Variants in GNB5 observed in about 807,000 individuals in gnomAD.
The protein encoded by GNB5 is guanine nucleotide-binding protein subunit beta-5.
A neutral mutation model predicts 55.3 loss-of-function variants in GNB5; 37 were observed. The observed-to-expected ratio is 0.67, with a 90% CI of 0.51 to 0.88. GNB5 has a LOEUF of 0.88. Among genes scored for constraint, GNB5 ranks in the 40% least tolerant of loss-of-function variants. The probability of loss-of-function intolerance (pLI) is 0.00; values close to 1 mark genes in which losing one functional copy is unlikely to be tolerated. For missense variants in GNB5, 476 were observed against 515.3 expected (o/e 0.92, Z 0.74); for synonymous variants, 219 against 198.5 (o/e 1.10, Z -0.87).
intron 1 of GNB5, among the ~76,000 whole-genome samples, chr15:52,187,843 G>T (rs1046475174): frequency 2.6e-5 from 4 of 152,090 alleles, no homozygotes; most frequent in African/African-American, 7.2e-5. Flanking sequence ...CAGCTACTCG[G>T]GAGGCTGAGG....
At chr15:52,177,714 A>C (rs2034679664) in intron 3 of GNB5, among the ~76,000 whole-genome samples, 1 of 152,020 alleles carries the variant, frequency 6.6e-6, no homozygotes, top group Non-Finnish European at 1.5e-5. Flanking sequence ...AGATCAGGAG[A>C]CATGTCAAAG....
chr15:52,168,531 G>A (rs1188973018), intron 3 of GNB5, among the ~76,000 whole-genome samples: 5 of 152,154 alleles, frequency 3.3e-5, no homozygotes, highest in Non-Finnish European at 5.9e-5. Flanking sequence ...CAGTGAAAAT[G>A]GCCATATTGC....
In GNB5 at chr15:52,179,760, G is replaced by T; in HGVS notation, c.238+8C>A. Reference sequence around the variant, plus strand: ...GCTTGCCCCGCCCGCCTCCCGGCCCGCACTCACGCTCCACATCGTGCAGCT... The same window carrying T: ...GCTTGCCCCGCCCGCCTCCCGGCCCTCACTCACGCTCCACATCGTGCAGCT... On this transcript the variant is annotated splice_region_variant and intron_variant, in intron 3 of 12. Coordinates refer to ENST00000261837, the MANE Select transcript of GNB5 (RefSeq NM_016194.4). 7.4e-7 allele frequency: 1 copy of T among 1,345,658 alleles called. No individual in the cohort carries two copies. Among genetic ancestry groups the T allele is most frequent in the Non-Finnish European group, 9.7e-7 (1 of 1,030,714 alleles). 83.4% of individuals were successfully genotyped at this position (1,345,658 alleles called of 1,614,324 possible).
intron 3 of GNB5, among the ~76,000 whole-genome samples, chr15:52,168,620 T>C (rs1195789917): frequency 6.6e-6 from 1 of 152,190 alleles, no homozygotes; most frequent in Admixed American, 6.5e-5. Flanking sequence ...AAAAAACTAT[T>C]TTAAAATTCA....
chr15:52,138,779 T>C (rs2141198214), intron 7 of GNB5: 1 of 152,340 alleles, frequency 6.6e-6, no homozygotes, highest in South Asian at 2.1e-4. Context: ...TCTTGCTCTT[T>C]AATTTAGGAA....
In GNB5 at chr15:52,122,740, G is replaced by A. The variant is rs777629751; in HGVS notation, c.*17C>T. The A allele has an allele frequency of 3.2e-6, 5 of 1,580,840 alleles. No homozygotes were observed. In the Admixed American group the frequency reaches 8.3e-5, roughly 26 times the overall value. On this transcript the variant is annotated 3_prime_UTR_variant, in exon 13 of 13. Coordinates refer to ENST00000261837, the MANE Select transcript of GNB5 (RefSeq NM_016194.4). ...TTCAAATTCTCAGGTATACATGAGT[G>A]CACTGTCAGAAGATGATTAGGCCCA...
intron 3 of GNB5, among the ~76,000 whole-genome samples, chr15:52,179,429 C>G (rs1160466150): frequency 2.0e-5 from 3 of 152,136 alleles, no homozygotes; most frequent in Non-Finnish European, 4.4e-5. Flanking sequence ...CACCGACACC[C>G]CACCCCCTGC....
intron 3 of GNB5, among the ~76,000 whole-genome samples, chr15:52,167,752 T>C (rs1422794789): frequency 6.6e-6 from 1 of 151,752 alleles, no homozygotes; most frequent in Non-Finnish European, 1.5e-5. Flanking sequence ...CAATAAATGA[T>C]TCCCAATACT....
chr15:52,147,680 G>A (rs2034005689), intron 5 of GNB5, 145 bp from the exon 6 acceptor site: 1 of 431,790 alleles, frequency 2.3e-6, no homozygotes, highest in Non-Finnish European at 4.2e-6. Context: ...TCTGCCTCCG[G>A]GGTTCAAGCA....
intron 6 of GNB5, among the ~76,000 whole-genome samples, chr15:52,146,646 C>G (rs910728324): frequency 1.3e-5 from 2 of 152,086 alleles, no homozygotes; most frequent in African/African-American, 4.8e-5. Flanking sequence ...CTTACTGTAG[C>G]CTTAATCTCC....
At chr15:52,156,333 T>A (rs1417025478) in intron 3 of GNB5, among the ~76,000 whole-genome samples, 2 of 152,192 alleles carry the variant, frequency 1.3e-5, no homozygotes, top group Non-Finnish European at 2.9e-5. Flanking sequence ...CAGCTGTTTC[T>A]CCATGGAACT....
chr15:52,120,718 C>T lies in GNB5; in HGVS notation c.*2039G>A, dbSNP rs1189478112. ...CACTGTGGGACATTCTGGAGCAGAG[C>T]TCAGGAATCCCATGGTGCCCTGACC... is the stretch of plus-strand genomic sequence containing the variant. On this transcript the variant is annotated 3_prime_UTR_variant, in exon 13 of 13. Transcript: ENST00000261837. 6.6e-6 allele frequency: 1 copy of T among 152,194 alleles called. No individual in the cohort carries two copies. The highest frequency in any genetic ancestry group is 1.9e-4 in the East Asian group (1 of 5,190). 9.4% of individuals were successfully genotyped at this position (152,194 alleles called of 1,614,324 possible). A position where few individuals can be genotyped will look rare whatever the true frequency, so the allele number is the denominator to read the frequency against.
Position 52,125,962 on chromosome 15 carries a change from TC to T in GNB5, c.994del (p.Asp332ThrfsTer89). 6.8e-7 allele frequency: 1 copy of T among 1,481,302 alleles called. No homozygotes were observed. Among genetic ancestry groups the T allele is most frequent in the Non-Finnish European group, 9.4e-7 (1 of 1,065,594 alleles). 91.8% of individuals were successfully genotyped at this position (1,481,302 alleles called of 1,614,324 possible). A position where few individuals can be genotyped will look rare whatever the true frequency, so the allele number is the denominator to read the frequency against. On this transcript the variant is annotated frameshift_variant, in exon 11 of 13. Coordinates refer to ENST00000261837, the MANE Select transcript of GNB5 (RefSeq NM_016194.4). LOFTEE classifies it high-confidence loss of function. ...ESIIFGASSVDFSLSGRLLFA... is the reference protein window; with the variant it reads ...ESIIFGASSVXFSLSGRLLFA... ...TAAAATCTTACCACTGAGGGAGAAG[TC>T]CACGCTGGATGCTCCAAATATGATG...
At chr15:52,180,074 C>T in intron 2 of GNB5, 195 bp from the exon 3 acceptor site, 2 of 566,644 alleles carry the variant, frequency 3.5e-6, no homozygotes, top group South Asian at 7.5e-5. Flanking sequence ...CGCTCTGGCG[C>T]AGTGCCTGGT....
chr15:52,146,736 A>ATTTT (rs60737688), intron 6 of GNB5, among the ~76,000 whole-genome samples: 3 of 110,916 alleles, frequency 2.7e-5, no homozygotes, highest in African/African-American at 3.2e-5. Flanking sequence ...AGCTAATTAG[A>ATTTT]TTTTTTTTTT....
chr15:52,162,904 T>C (rs2034364959), intron 3 of GNB5: 1 of 152,156 alleles, frequency 6.6e-6, no homozygotes, highest in Non-Finnish European at 1.5e-5. Context: ...CCAAGATGGC[T>C]GGTTAGAAGC....
chr15:52,164,281 C>A (rs2034403672), intron 3 of GNB5, among the ~76,000 whole-genome samples: 1 of 140,916 alleles, frequency 7.1e-6, no homozygotes, highest in African/African-American at 2.8e-5. Flanking sequence ...GCACTCCAGC[C>A]TGGGAGACAA....
chr15:52,138,564 G>A (rs2033781690), intron 7 of GNB5: 1 of 152,196 alleles, frequency 6.6e-6, no homozygotes. Context: ...AGCTAGCAAA[G>A]TAGCTTATGG....
At chr15:52,148,472 T>A (rs1396568587) in intron 5 of GNB5, among the ~76,000 whole-genome samples, 1 of 152,174 alleles carries the variant, frequency 6.6e-6, no homozygotes, top group African/African-American at 2.4e-5. Context: ...ATGGCTGGCC[T>A]GTGTGCGGTT....
Sources: allele counts gnomAD v4.1 joint callset (sites outside exome capture counted in the v4.1 genomes callset), GRCh38; gene constraint gnomAD v4.1.1; transcripts MANE v1.5; gene names NCBI Gene and HGNC (gene_info 2026-07-23, HGNC 2026-07-21).